Variants in LDB2 observed in about 807,000 individuals in gnomAD.
LDB2 encodes the protein LIM domain-binding protein 2.
In LDB2, 12 loss-of-function variants were observed where a neutral mutation model predicts 44.3. The observed-to-expected ratio is 0.27, with a 90% CI of 0.17 to 0.44. The LOEUF is 0.44. Ranked by LOEUF, LDB2 falls within the 20% of genes least tolerant of loss-of-function variation. The pLI, the probability that LDB2 is intolerant of heterozygous loss-of-function variation, is 1.00. For synonymous variants in LDB2, 164 were observed against 174.8 expected, an observed-to-expected ratio of 0.94 and a Z score of 0.49; for missense variants, 344 against 473.5, an observed-to-expected ratio of 0.73 and a Z score of 2.54.
intron 3 of LDB2, among the ~76,000 whole-genome samples, chr4:16,591,061 A>T (rs1337384611): frequency 6.6e-6 from 1 of 152,202 alleles, no homozygotes; most frequent in East Asian, 1.9e-4. Flanking sequence ...CTTGACAAAA[A>T]CACGACAGGG....
At chr4:16,781,346 A>G (rs1430715041) in intron 1 of LDB2, among the ~76,000 whole-genome samples, 3 of 152,178 alleles carry the variant, frequency 2.0e-5, no homozygotes, top group African/African-American at 7.2e-5. Context: ...AGTAACTCCA[A>G]GGAGGAGCAC....
intron 2 of LDB2, among the ~76,000 whole-genome samples, chr4:16,647,017 A>C (rs1182681545): frequency 6.6e-6 from 1 of 152,238 alleles, no homozygotes; most frequent in Non-Finnish European, 1.5e-5. Flanking sequence ...ATGAGTGGTC[A>C]TAGCAGCATT....
chr4:16,890,358 G>A (rs1448938610), intron 1 of LDB2, among the ~76,000 whole-genome samples: 2 of 152,174 alleles, frequency 1.3e-5, no homozygotes, highest in Non-Finnish European at 2.9e-5. Flanking sequence ...GAAAGGGGGG[G>A]CACGGAGTGC....
intron 1 of LDB2, among the ~76,000 whole-genome samples, chr4:16,772,404 T>C (rs1408300477): frequency 6.6e-6 from 1 of 152,140 alleles, no homozygotes; most frequent in African/African-American, 2.4e-5. Context: ...TTAGACAAAC[T>C]ACCAAAGACA....
intron 2 of LDB2, among the ~76,000 whole-genome samples, chr4:16,606,547 C>T (rs886493289): frequency 3.9e-5 from 6 of 152,054 alleles, no homozygotes; most frequent in African/African-American, 7.2e-5. Context: ...AAAGTGACAG[C>T]CCTCAAGTAC....
At chr4:16,754,332 G>A (rs1048502883) in intron 2 of LDB2, among the ~76,000 whole-genome samples, 1 of 152,150 alleles carries the variant, frequency 6.6e-6, no homozygotes. Flanking sequence ...AGGGAGCCTC[G>A]GCATCAGGCT....
At chr4:16,825,540 T>C (rs1410411665) in intron 1 of LDB2, among the ~76,000 whole-genome samples, 3 of 152,192 alleles carry the variant, frequency 2.0e-5, no homozygotes, top group African/African-American at 7.2e-5. Flanking sequence ...TTCTAGACTC[T>C]AATTCTATTC....
chr4:16,511,998 C>A lies in LDB2; in HGVS notation c.722G>T (p.Arg241Met), dbSNP rs142358080. Residue 241 changes from arginine (R) to methionine (M), a missense_variant, in exon 6 of 8, where the codon AGG (arginine) becomes ATG (methionine). Coordinates refer to ENST00000304523, the MANE Select transcript of LDB2 (RefSeq NM_001290.5). ...GGGTGTACCTGGCGGAGCCACCATC[C>A]TCTGCCACTTCTGAAACAAGCAGGT... ...LKTCLFQKWQ[R>M]MVAPPAEPTR... 4 of 1,613,320 alleles carry A rather than the reference C, an allele frequency of 2.5e-6. No individual in the cohort carries two copies. Among genetic ancestry groups the A allele is most frequent in the Non-Finnish European group, 3.4e-6 (4 of 1,179,556 alleles).
intron 2 of LDB2, among the ~76,000 whole-genome samples, chr4:16,669,810 C>T (rs1744252664): frequency 6.6e-6 from 1 of 152,228 alleles, no homozygotes; most frequent in African/African-American, 2.4e-5. Flanking sequence ...CACATTTCAT[C>T]CAGCCCTCTT....
At chr4:16,847,979 TA>T in intron 1 of LDB2, among the ~76,000 whole-genome samples, 1 of 152,288 alleles carries the variant, frequency 6.6e-6, no homozygotes, top group African/African-American at 2.4e-5. Flanking sequence ...AAGCCAAATA[TA>T]AATGTAAAAT....
rs891006359 is a variant in LDB2 at position 16,804,184 on chromosome 4, C to T, written c.133-44924G>A. ...CCAGGCTGGAGTGCAGTGGCACAAT[C>T]ATGGCTCACTGCAACCTCAAACTCA... On this transcript the variant is annotated intron_variant, in intron 1 of 7. Coordinates refer to ENST00000304523, the MANE Select transcript of LDB2 (RefSeq NM_001290.5). Among the ~76,000 whole-genome samples the T allele has an allele frequency of 3.9e-5, 6 of 152,274 alleles. No individual in the cohort carries two copies. The South Asian group carries it at 1.2e-3, about 32-fold the overall frequency.
At chr4:16,827,603 A>G (rs1783297210) in intron 1 of LDB2, among the ~76,000 whole-genome samples, 1 of 152,208 alleles carries the variant, frequency 6.6e-6, no homozygotes, top group Admixed American at 6.5e-5. Flanking sequence ...GGAAAAACAG[A>G]AATATACATA....
chr4:16,561,248 C>T (rs374168398), intron 5 of LDB2, among the ~76,000 whole-genome samples: 152 of 152,034 alleles, frequency 1.0e-3, no homozygotes, highest in African/African-American at 3.2e-3. Flanking sequence ...AAATAAAGGG[C>T]ATTCAATTAG....
At chr4:16,706,363 C>G (rs1177589441) in intron 2 of LDB2, among the ~76,000 whole-genome samples, 2 of 152,160 alleles carry the variant, frequency 1.3e-5, no homozygotes, top group African/African-American at 4.8e-5. Context: ...GTCCCTTGCC[C>G]CTTCTGCGAC....
In LDB2 at chr4:16,867,317, G is replaced by C. The variant is rs115896522; in HGVS notation, c.132+31037C>G. On this transcript the variant is annotated intron_variant, in intron 1 of 7. Transcript: ENST00000304523. ...CACAATCTAATACAATACAGTAAGTGTAAGACTCAGGTAAAATTTAAAGTA... is the reference window on the plus strand; with the variant it reads ...CACAATCTAATACAATACAGTAAGTCTAAGACTCAGGTAAAATTTAAAGTA... Among the ~76,000 whole-genome samples the C allele has an allele frequency of 7.8e-3, 1,188 of 152,274 alleles. 21 individuals are homozygous for C. The highest frequency in any genetic ancestry group is 0.026 in the African/African-American group (1,087 of 41,554).
intron 2 of LDB2, among the ~76,000 whole-genome samples, chr4:16,596,306 T>C (rs182345237): frequency 3.5e-4 from 54 of 152,292 alleles, no homozygotes; most frequent in Admixed American, 3.3e-3. Flanking sequence ...TTGTTACTAG[T>C]GATAATATAA....
chr4:16,630,523 G>A (rs1731632849), intron 2 of LDB2, among the ~76,000 whole-genome samples: 1 of 152,120 alleles, frequency 6.6e-6, no homozygotes, highest in African/African-American at 2.4e-5. Flanking sequence ...TAAAGAAACG[G>A]CATAAATTAA....
chr4:16,709,805 G>C (rs1342165845), intron 2 of LDB2, among the ~76,000 whole-genome samples: 1 of 152,126 alleles, frequency 6.6e-6, no homozygotes, highest in Non-Finnish European at 1.5e-5. Context: ...AATAATCCCA[G>C]AGGGAATGTC....
chr4:16,531,129 T>G (rs1265389156), intron 5 of LDB2, among the ~76,000 whole-genome samples: 1 of 152,182 alleles, frequency 6.6e-6, no homozygotes, highest in African/African-American at 2.4e-5. Context: ...CAGCAGGTGC[T>G]CCATAAACAC....
Sources: gnomAD v4.1 joint callset for allele counts (sites outside exome capture counted in the v4.1 genomes callset) on GRCh38, gnomAD v4.1.1 for gene constraint, MANE v1.5 for transcripts, NCBI Gene and HGNC (gene_info 2026-07-23, HGNC 2026-07-21) for gene names.